The following CNKSR2 variants were observed in gnomAD, a reference collection of about 807,000 sequenced individuals.
The protein encoded by CNKSR2 is CNK homolog protein 2.
Under a neutral mutation model 84.4 loss-of-function variants are expected in CNKSR2, and 14 were observed. The observed-to-expected ratio is 0.17, with a 90% confidence interval of 0.11 to 0.26. The LOEUF is 0.26. Ranked by LOEUF, CNKSR2 falls within the 10% of genes least tolerant of loss-of-function variation. The pLI, the probability that CNKSR2 is intolerant of heterozygous loss-of-function variation, is 1.00. For missense variants in CNKSR2, 485 were observed against 771.2 expected, an observed-to-expected ratio of 0.63 and a Z score of 4.40; for synonymous variants, 275 against 277.9, an observed-to-expected ratio of 0.99 and a Z score of 0.10.
chrX:21,538,674 G>T (rs1358045807), intron 11 of CNKSR2: 1 of 112,496 alleles, frequency 8.9e-6, no homozygotes, highest in Non-Finnish European at 1.9e-5. Context: ...AGCCAGTAGT[G>T]GCTCAGTCCA....
chrX:21,554,942 T>C (rs1277496281), intron 11 of CNKSR2, among the ~76,000 whole-genome samples: 1 of 110,997 alleles, frequency 9.0e-6, no homozygotes, highest in Non-Finnish European at 1.9e-5. Flanking sequence ...CAATTTATAC[T>C]CCACCAACAG....
chrX:21,600,701 C>A (rs1235653488), intron 17 of CNKSR2, among the ~76,000 whole-genome samples: 1 of 112,149 alleles, frequency 8.9e-6, no homozygotes, highest in Non-Finnish European at 1.9e-5. Flanking sequence ...TGTTCAAGAT[C>A]TAAACAGATG....
At chrX:21,610,701 C>G (rs954425252) in intron 20 of CNKSR2, among the ~76,000 whole-genome samples, 1 of 111,633 alleles carries the variant, frequency 9.0e-6, no homozygotes, top group Admixed American at 9.5e-5. Flanking sequence ...ATATATGGGA[C>G]TTTGATTACA....
intron 17 of CNKSR2, among the ~76,000 whole-genome samples, chrX:21,596,020 T>C (rs1311702166): frequency 8.9e-6 from 1 of 111,849 alleles, no homozygotes; most frequent in Non-Finnish European, 1.9e-5. Flanking sequence ...TCTAGAATTA[T>C]AGAAATTGAG....
At chrX:21,641,401 C>A in intron 20 of CNKSR2, 1 of 811,751 alleles carries the variant, frequency 1.2e-6, no homozygotes. Context: ...ATATGCAATT[C>A]TAGCCATATT....
At chrX:21,626,028 C>A (rs187872349) in intron 20 of CNKSR2, among the ~76,000 whole-genome samples, 1 of 111,306 alleles carries the variant, frequency 9.0e-6, no homozygotes, top group East Asian at 2.8e-4. Flanking sequence ...TCAATAAATT[C>A]ATCATTTAAT....
intron 11 of CNKSR2, among the ~76,000 whole-genome samples, chrX:21,548,820 C>A (rs1480422496): frequency 8.9e-6 from 1 of 111,998 alleles, no homozygotes; most frequent in African/African-American, 3.2e-5. Flanking sequence ...ATGACAAAAA[C>A]CTCATGATTT....
intron 1 of CNKSR2, among the ~76,000 whole-genome samples, chrX:21,381,620 G>A (rs1314325504): frequency 8.9e-6 from 1 of 111,871 alleles, no homozygotes; most frequent in African/African-American, 3.3e-5. Context: ...TTGTTTTTAG[G>A]ATAAAGGTCA....
In CNKSR2 at chrX:21,410,046, G is replaced by GTGTT. The variant is rs1367732104; in HGVS notation, c.65-16448_65-16447insTTGT. On this transcript the variant is annotated intron_variant, in intron 1 of 21. Coordinates refer to ENST00000379510, the MANE Select transcript of CNKSR2 (RefSeq NM_014927.5). ...CCTAATTGTGTCTGTGTGTGTGTGT[G>GTGTT]TGTGTGTGTGTGTGTGTGTATAACC... Among the ~76,000 whole-genome samples the GTGTT allele has an allele frequency of 9.4e-3, 1,032 of 109,637 alleles. 11 individuals are homozygous for GTGTT. The highest frequency in any genetic ancestry group is 0.031 in the African/African-American group (946 of 30,124).
chrX:21,450,722 C>T (rs2090917102), intron 4 of CNKSR2, among the ~76,000 whole-genome samples: 2 of 111,538 alleles, frequency 1.8e-5, no homozygotes, highest in South Asian at 7.5e-4. Flanking sequence ...ATAGAGTTTC[C>T]TTTCCTTGGG....
chrX:21,526,853 T>G lies in CNKSR2; in HGVS notation c.958-14T>G. 1 of 1,190,890 alleles carries G rather than the reference T, an allele frequency of 8.4e-7. No individual in the cohort carries two copies. The highest frequency in any genetic ancestry group is 1.1e-6 in the Non-Finnish European group (1 of 881,640). ...GTTTGTGTGCGTATGTATTTTCTTT[T>G]TCATTTTAACCAGCCTCTTATACCT... On this transcript the variant is annotated splice_polypyrimidine_tract_variant and intron_variant, in intron 9 of 21. Coordinates refer to ENST00000379510, the MANE Select transcript of CNKSR2 (RefSeq NM_014927.5).
chrX:21,533,845 A>G (rs918264810), intron 11 of CNKSR2, among the ~76,000 whole-genome samples: 1 of 111,237 alleles, frequency 9.0e-6, no homozygotes, highest in Non-Finnish European at 1.9e-5. Context: ...ACAGAGTGAT[A>G]TTTTGATACA....
chrX:21,437,710 T>C (rs1305734169), intron 3 of CNKSR2, among the ~76,000 whole-genome samples: 1 of 110,660 alleles, frequency 9.0e-6, no homozygotes, highest in Non-Finnish European at 1.9e-5. Flanking sequence ...GATATTCTCC[T>C]AGAAGTGCTT....
intron 11 of CNKSR2, among the ~76,000 whole-genome samples, chrX:21,553,240 A>G (rs2092109621): frequency 8.9e-6 from 1 of 111,818 alleles, no homozygotes; most frequent in Non-Finnish European, 1.9e-5. Flanking sequence ...ATGGTCTTGA[A>G]TGATACATCA....
intron 3 of CNKSR2, among the ~76,000 whole-genome samples, chrX:21,439,090 C>T (rs188666890): frequency 1.5e-4 from 17 of 111,561 alleles, no homozygotes; most frequent in Middle Eastern, 4.6e-3. Flanking sequence ...GATGTTTTGA[C>T]ATTTTTAGAG....
At chrX:21,410,964 A>G (rs753940432) in intron 1 of CNKSR2, among the ~76,000 whole-genome samples, 165 of 110,729 alleles carry the variant, frequency 1.5e-3, no homozygotes, top group African/African-American at 5.0e-3. Flanking sequence ...GAAGGATCAC[A>G]GGGGATATAT....
At chrX:21,584,242 A>G (rs901683510) in intron 13 of CNKSR2, among the ~76,000 whole-genome samples, 2 of 112,251 alleles carry the variant, frequency 1.8e-5, no homozygotes, top group Non-Finnish European at 3.8e-5. Flanking sequence ...AGAATTTTCA[A>G]TAATGTATTA....
chrX:21,505,853 G>A, intron 8 of CNKSR2: 1 of 111,502 alleles, frequency 9.0e-6, no homozygotes, highest in Non-Finnish European at 1.9e-5. Flanking sequence ...TCTAACAGCA[G>A]ATGTACTTTC....
chrX:21,562,376 AT>A (rs2092199397), intron 12 of CNKSR2, among the ~76,000 whole-genome samples: 1 of 111,762 alleles, frequency 8.9e-6, no homozygotes, highest in South Asian at 3.7e-4. Context: ...TTTTCTTGTT[AT>A]TTCTAGCCAG....
Sources: allele counts gnomAD v4.1 joint callset (sites outside exome capture counted in the v4.1 genomes callset), GRCh38; gene constraint gnomAD v4.1.1; transcripts MANE v1.5; gene names NCBI Gene and HGNC (gene_info 2026-07-23, HGNC 2026-07-21).